Variants in NKAIN2 observed in about 807,000 individuals in gnomAD.
NKAIN2 encodes the protein sodium/potassium-transporting ATPase subunit beta-1-interacting protein 2.
A neutral mutation model predicts 32.6 loss-of-function variants in NKAIN2; 14 were observed. The observed-to-expected ratio is 0.43, with a 90% confidence interval of 0.28 to 0.67. The LOEUF (loss-of-function observed/expected upper bound fraction) is 0.67, where lower values mean the gene tolerates loss of function less well. NKAIN2 is among the 30% of genes least tolerant of loss of function. The probability of loss-of-function intolerance (pLI) is 0.17; values close to 1 mark genes in which losing one functional copy is unlikely to be tolerated. For missense variants in NKAIN2, 198 were observed against 258.3 expected, an observed-to-expected ratio of 0.77 and a Z score of 1.60; for synonymous variants, 80 against 87.2, an observed-to-expected ratio of 0.92 and a Z score of 0.46.
rs531109105 is a variant in NKAIN2 at position 124,164,807 on chromosome 6, G to C, written c.55-118198G>C. On this transcript the variant is annotated intron_variant, in intron 1 of 6. Transcript: ENST00000368417. ...TGGATCGCCACAAAACCAGAAAATT[G>C]AGAGTATTCTTTGTTAATTTGTTTC... 5.7e-4 allele frequency among the ~76,000 whole-genome samples: 86 copies of C among 152,118 alleles called. 1 individual carries two copies. Among genetic ancestry groups the C allele is most frequent in the African/African-American group, 2.0e-3 (82 of 41,542 alleles).
intron 1 of NKAIN2, among the ~76,000 whole-genome samples, chr6:123,845,834 G>A (rs867492509): frequency 2.1e-4 from 32 of 152,144 alleles, no homozygotes; most frequent in Admixed American, 1.8e-3. Flanking sequence ...ATGCTAAAGC[G>A]TTCCAAGTGA....
chr6:124,538,052 TTATTC>T (rs1387410462), intron 3 of NKAIN2, among the ~76,000 whole-genome samples: 3 of 152,142 alleles, frequency 2.0e-5, no homozygotes, highest in African/African-American at 7.2e-5. Flanking sequence ...CCTAATCCAA[TTATTC>T]ATTGTCATTA....
In NKAIN2 at chr6:123,946,498, A is replaced by G. The variant is rs1777070909; in HGVS notation, c.54+142244A>G. Among the ~76,000 whole-genome samples, 3 of 152,100 alleles carry G rather than the reference A, an allele frequency of 2.0e-5. No individual in the cohort carries two copies. The South Asian group carries it at 6.2e-4, about 32-fold the overall frequency. On this transcript the variant is annotated intron_variant, in intron 1 of 6. Transcript: ENST00000368417. ...GGAAATTTTACAACATGTTTCCCTTAAGGAATTTGAAGTCTTTTCACCATT... is the reference window on the plus strand; with the variant it reads ...GGAAATTTTACAACATGTTTCCCTTGAGGAATTTGAAGTCTTTTCACCATT...
At chr6:124,408,210 A>G (rs1322940914) in intron 3 of NKAIN2, among the ~76,000 whole-genome samples, 1 of 151,828 alleles carries the variant, frequency 6.6e-6, no homozygotes, top group Non-Finnish European at 1.5e-5. Flanking sequence ...ATTAGATCCC[A>G]TTTGTCAATT....
At chr6:124,586,958 C>T (rs1458680437) in intron 3 of NKAIN2, among the ~76,000 whole-genome samples, 1 of 152,166 alleles carries the variant, frequency 6.6e-6, no homozygotes, top group Non-Finnish European at 1.5e-5. Context: ...TTATACAACT[C>T]CTCTTATATT....
chr6:124,173,231 G>A (rs765963533), intron 1 of NKAIN2, among the ~76,000 whole-genome samples: 40 of 152,016 alleles, frequency 2.6e-4, no homozygotes, highest in Non-Finnish European at 4.7e-4. Context: ...AAAGCACCAT[G>A]ACTAGTTTTT....
At chr6:124,686,558 A>G (rs1479049) in intron 4 of NKAIN2, among the ~76,000 whole-genome samples, 69,051 of 151,840 alleles carry the variant, frequency 0.45, 16,071 homozygotes, top group African/African-American at 0.56. Flanking sequence ...ATGAAAAACC[A>G]CCACCATGAT....
chr6:124,793,315 G>A (rs1582532882), intron 5 of NKAIN2, among the ~76,000 whole-genome samples: 1 of 152,268 alleles, frequency 6.6e-6, no homozygotes, highest in Admixed American at 6.5e-5. Context: ...TACAAGAGAA[G>A]ACATCCAGTA....
chr6:123,835,452 G>A (rs2114922844), intron 1 of NKAIN2, among the ~76,000 whole-genome samples: 1 of 152,228 alleles, frequency 6.6e-6, no homozygotes, highest in African/African-American at 2.4e-5. Flanking sequence ...ATAAGTAAAG[G>A]TTATTTATGT....
At chr6:124,526,288 A>T (rs905971610) in intron 3 of NKAIN2, among the ~76,000 whole-genome samples, 1 of 152,066 alleles carries the variant, frequency 6.6e-6, no homozygotes, top group East Asian at 1.9e-4. Context: ...CACATATAGG[A>T]TGGATAAGGA....
intron 4 of NKAIN2, among the ~76,000 whole-genome samples, chr6:124,691,371 C>T (rs1289629152): frequency 6.6e-6 from 1 of 152,176 alleles, no homozygotes; most frequent in Non-Finnish European, 1.5e-5. Context: ...GAAAATACTG[C>T]TGCCAAAACC....
chr6:124,302,185 A>G (rs1391539454), intron 2 of NKAIN2, among the ~76,000 whole-genome samples: 4 of 152,194 alleles, frequency 2.6e-5, no homozygotes, highest in African/African-American at 9.6e-5. Flanking sequence ...GCTGTCATGT[A>G]AGAGGTGACT....
At chr6:124,372,557 C>G (rs1045603083) in intron 3 of NKAIN2, among the ~76,000 whole-genome samples, 1 of 152,140 alleles carries the variant, frequency 6.6e-6, no homozygotes, top group Non-Finnish European at 1.5e-5. Context: ...TTACTTCACA[C>G]TGAAATGTTC....
chr6:124,682,253 C>G (rs1272614228), intron 4 of NKAIN2, among the ~76,000 whole-genome samples: 4 of 151,922 alleles, frequency 2.6e-5, no homozygotes, highest in Non-Finnish European at 2.9e-5. Context: ...GAGCTATGAT[C>G]AGAGAACTAC....
chr6:124,091,994 C>G (rs902605750), intron 1 of NKAIN2, among the ~76,000 whole-genome samples: 1 of 151,996 alleles, frequency 6.6e-6, no homozygotes, highest in Non-Finnish European at 1.5e-5. Flanking sequence ...TTTAGTTTTG[C>G]CAACACTTAT....
At position 124,031,716 on chromosome 6, in the gene NKAIN2, G is replaced by A. The variant is rs374726082; in HGVS notation, c.54+227462G>A. Among the ~76,000 whole-genome samples, 32 of 152,030 alleles carry A rather than the reference G, an allele frequency of 2.1e-4. No individual in the cohort carries two copies. In the East Asian group the frequency reaches 5.0e-3, roughly 24 times the overall value. On this transcript the variant is annotated intron_variant, in intron 1 of 6. Transcript: ENST00000368417. ...TTGTTCAGTTTCCATGTAGTTGAGC[G>A]ATTTTGAGTGAGTTTGTTAATCCTG... is the stretch of plus-strand genomic sequence containing the variant.
chr6:124,066,084 T>C (rs2114867658), intron 1 of NKAIN2, among the ~76,000 whole-genome samples: 1 of 152,276 alleles, frequency 6.6e-6, no homozygotes, highest in East Asian at 1.9e-4. Context: ...TCTCAACTTT[T>C]TGACCACTAT....
chr6:124,449,088 G>T (rs1776002647), intron 3 of NKAIN2, among the ~76,000 whole-genome samples: 1 of 152,070 alleles, frequency 6.6e-6, no homozygotes, highest in Non-Finnish European at 1.5e-5. Context: ...TTCTCTTAAT[G>T]AATATTTTCA....
intron 1 of NKAIN2, among the ~76,000 whole-genome samples, chr6:123,937,864 G>A (rs899458011): frequency 1.3e-5 from 2 of 152,058 alleles, no homozygotes; most frequent in African/African-American, 4.8e-5. Context: ...AGCTGTAGAT[G>A]TCCATGTGCT....
Sources: gnomAD v4.1 joint callset for allele counts (sites outside exome capture counted in the v4.1 genomes callset) on GRCh38, gnomAD v4.1.1 for gene constraint, MANE v1.5 for transcripts, NCBI Gene and HGNC (gene_info 2026-07-23, HGNC 2026-07-21) for gene names.